CNBD1: variants seen among roughly 807,000 people sequenced by gnomAD.
CNBD1 encodes the protein cyclic nucleotide binding domain containing 1, also known as cyclic nucleotide-binding domain-containing protein 1.
In CNBD1, 71 loss-of-function variants were observed where a neutral mutation model predicts 54.4. That is an observed-to-expected ratio of 1.30 (90% CI 1.08 to 1.59). The LOEUF is 1.59. Ranked by LOEUF, CNBD1 falls within the 40% of genes most tolerant of loss-of-function variation. The pLI is 0.00. For missense variants in CNBD1, 659 were observed against 518.0 expected (o/e 1.27, Z -2.64); for synonymous variants, 182 against 170.7 (o/e 1.07, Z -0.51).
intron 8 of CNBD1, among the ~76,000 whole-genome samples, chr8:87,327,842 T>G (rs1809718146): frequency 6.6e-6 from 1 of 152,188 alleles, no homozygotes; most frequent in Admixed American, 6.5e-5. Flanking sequence ...TTCTTAGGTT[T>G]TCTTCTAGGA....
intron 5 of CNBD1, among the ~76,000 whole-genome samples, chr8:87,226,677 G>A (rs1814501776): frequency 6.6e-6 from 1 of 151,786 alleles, no homozygotes; most frequent in Non-Finnish European, 1.5e-5. Context: ...GGTCAATTTT[G>A]GAATAGGTGT....
intron 6 of CNBD1, among the ~76,000 whole-genome samples, chr8:87,247,739 A>G (rs1229321749): frequency 6.6e-6 from 1 of 152,202 alleles, no homozygotes; most frequent in Non-Finnish European, 1.5e-5. Flanking sequence ...TTTGCTCTGC[A>G]TCCATTTCCT....
At chr8:87,137,789 A>G (rs1488877018) in intron 4 of CNBD1, among the ~76,000 whole-genome samples, 1 of 152,142 alleles carries the variant, frequency 6.6e-6, no homozygotes, top group Non-Finnish European at 1.5e-5. Context: ...CAAAACAGTT[A>G]TAAGGATGGG....
rs549350529 is a variant in CNBD1 at position 87,114,593 on chromosome 8, G to A, written c.432-91400G>A. On this transcript the variant is annotated intron_variant, in intron 4 of 10. Transcript: ENST00000518476. ...CTTGAACTCCTGACCTCAGGTGACC[G>A]CCCAGTGTGGCCTCCCAAATTGCTG... 5.3e-3 allele frequency among the ~76,000 whole-genome samples: 801 copies of A among 150,088 alleles called. 6 individuals are homozygous for A. The highest frequency in any genetic ancestry group is 0.019 in the African/African-American group (754 of 40,632).
intron 4 of CNBD1, among the ~76,000 whole-genome samples, chr8:87,155,689 G>C (rs1367464905): frequency 2.0e-5 from 3 of 152,192 alleles, no homozygotes; most frequent in East Asian, 1.9e-4. Flanking sequence ...TCCAACTGGA[G>C]ATGTCTAGGT....
intron 4 of CNBD1, among the ~76,000 whole-genome samples, chr8:87,055,387 G>T (rs545686081): frequency 5.3e-5 from 8 of 152,222 alleles, no homozygotes; most frequent in Non-Finnish European, 1.0e-4. Context: ...TAGGCACAAA[G>T]CATAGCTTCT....
intron 3 of CNBD1, among the ~76,000 whole-genome samples, chr8:86,929,750 A>G (rs761733152): frequency 2.6e-5 from 4 of 152,160 alleles, no homozygotes; most frequent in Non-Finnish European, 5.9e-5. Flanking sequence ...CATTTACATC[A>G]TGAGTAGTCT....
intron 3 of CNBD1, among the ~76,000 whole-genome samples, chr8:86,937,213 A>G (rs1481924030): frequency 6.6e-6 from 1 of 152,108 alleles, no homozygotes; most frequent in African/African-American, 2.4e-5. Context: ...CCTTTATAAA[A>G]CCATCAGATC....
At chr8:86,893,685 C>A (rs6468526) in intron 2 of CNBD1, among the ~76,000 whole-genome samples, 68,511 of 151,978 alleles carry the variant, frequency 0.45, 16,285 homozygotes, top group South Asian at 0.58. Context: ...GTTTGGTGCT[C>A]TTGAGAGTTT....
chr8:87,196,462 A>G (rs2130790150), intron 4 of CNBD1, among the ~76,000 whole-genome samples: 1 of 152,286 alleles, frequency 6.6e-6, no homozygotes, highest in Admixed American at 6.5e-5. Flanking sequence ...AGAGAGTCCT[A>G]AGCAATTTTT....
At chr8:87,401,995 T>A (rs557418806) in intron 2 of CNBD1, among the ~76,000 whole-genome samples, 4 of 152,084 alleles carry the variant, frequency 2.6e-5, no homozygotes, top group Middle Eastern at 3.4e-3. Context: ...TATGAAGAAA[T>A]ATCCAAGACC....
At chr8:87,409,030 G>A (rs1430657503) in intron 2 of CNBD1, among the ~76,000 whole-genome samples, 1 of 152,062 alleles carries the variant, frequency 6.6e-6, no homozygotes, top group Non-Finnish European at 1.5e-5. Flanking sequence ...GTTTTCAAGT[G>A]AAAGGAAGGG....
At chr8:87,289,284 C>T (rs940947289) in intron 8 of CNBD1, among the ~76,000 whole-genome samples, 1 of 152,064 alleles carries the variant, frequency 6.6e-6, no homozygotes, top group Non-Finnish European at 1.5e-5. Context: ...ACTCTATTTG[C>T]TTTGTTAACT....
chr8:87,042,331 G>GC (rs562471478), intron 4 of CNBD1, among the ~76,000 whole-genome samples: 13 of 152,270 alleles, frequency 8.5e-5, no homozygotes, highest in Non-Finnish European at 1.5e-4. Flanking sequence ...TGAGCCATCA[G>GC]CCCAGGGATA....
At chr8:87,081,956 A>G (rs1268852308) in intron 4 of CNBD1, among the ~76,000 whole-genome samples, 1 of 152,168 alleles carries the variant, frequency 6.6e-6, no homozygotes, top group East Asian at 1.9e-4. Flanking sequence ...TTGCAGTTCT[A>G]TCAGTTTTTG....
intron 4 of CNBD1, among the ~76,000 whole-genome samples, chr8:87,007,549 T>C (rs1809128631): frequency 6.6e-6 from 1 of 152,166 alleles, no homozygotes; most frequent in African/African-American, 2.4e-5. Context: ...CCCACTAAGA[T>C]AAGTTTTCTT....
chr8:87,426,528 CAAT>C (rs1323439700), intron 2 of CNBD1, among the ~76,000 whole-genome samples: 2 of 152,144 alleles, frequency 1.3e-5, no homozygotes, highest in Non-Finnish European at 2.9e-5. Context: ...CAATTAAAAA[CAAT>C]AACAGAAACT....
chr8:87,228,355 T>C (rs1322283896), intron 5 of CNBD1, among the ~76,000 whole-genome samples: 1 of 150,204 alleles, frequency 6.7e-6, no homozygotes, highest in African/African-American at 2.5e-5. Flanking sequence ...TTCTGTTTTT[T>C]CCCCATCTTT....
chr8:86,889,297 G>T (rs546701064), intron 2 of CNBD1, among the ~76,000 whole-genome samples: 1 of 152,242 alleles, frequency 6.6e-6, no homozygotes, highest in African/African-American at 2.4e-5. Context: ...AAGCTTGGAA[G>T]TTCAGGTCCC....
Sources: allele counts gnomAD v4.1 joint callset (sites outside exome capture counted in the v4.1 genomes callset), GRCh38; gene constraint gnomAD v4.1.1; transcripts MANE v1.5; gene names NCBI Gene and HGNC (gene_info 2026-07-23, HGNC 2026-07-21).